PIEZO2: variants seen among roughly 807,000 people sequenced by gnomAD.
The protein encoded by PIEZO2 is piezo type mechanosensitive ion channel component 2, also known as piezo-type mechanosensitive ion channel component 2.
In PIEZO2, 172 loss-of-function variants were observed where a neutral mutation model predicts 337.3. The observed-to-expected ratio is 0.51, with a 90% CI of 0.45 to 0.58. The LOEUF (loss-of-function observed/expected upper bound fraction) is 0.58. PIEZO2 is among the 20% of genes least tolerant of loss of function. The pLI, the probability that PIEZO2 is intolerant of heterozygous loss-of-function variation, is 0.00. For missense variants in PIEZO2, 3,028 were observed against 3,391.3 expected (o/e 0.89, Z 2.66); for synonymous variants, 1,251 against 1,228.5 (o/e 1.02, Z -0.38).
At chr18:10,745,854 T>G (rs1221890325) in intron 30 of PIEZO2, among the ~76,000 whole-genome samples, 1 of 152,094 alleles carries the variant, frequency 6.6e-6, no homozygotes, top group Non-Finnish European at 1.5e-5. Context: ...ACTGGCTGAG[T>G]TTCATGTGCC....
rs1159875365 is a variant in PIEZO2 at position 10,766,314 on chromosome 18, A to G, written c.2947-3216T>C. On this transcript the variant is annotated intron_variant, in intron 21 of 55. Coordinates refer to ENST00000674853, the MANE Select transcript of PIEZO2 (RefSeq NM_001378183.1). This position sits in a 1 kb window ranked among gnomAD's most constrained non-coding sequence, Gnocchi z 6.1. ...GGAAGCAGAAAGGAGGGGAAGGGGA[A>G]GGAGAAGTAGGAGGAGAAGGAGGAG... 6.6e-6 allele frequency among the ~76,000 whole-genome samples: 1 copy of G among 151,564 alleles called. No homozygotes were observed. The highest frequency in any genetic ancestry group is 1.5e-5 in the Non-Finnish European group (1 of 67,840).
At chr18:10,798,502 A>G (rs139493371) in intron 11 of PIEZO2, among the ~76,000 whole-genome samples, 9 of 152,322 alleles carry the variant, frequency 5.9e-5, no homozygotes, top group African/African-American at 1.9e-4. Context: ...AGTCCCTGGG[A>G]TCATAGACAG....
Position 11,149,154 on chromosome 18 carries a change from C to T in PIEZO2, c.-566G>A, listed in dbSNP as rs1037734329. The stretch of plus-strand genomic sequence containing the variant: ...GGCCCCGGCTCTCGGAGCTGCCCGG[C>T]GGGCTCCGGGTCTCGCCCTCCAGCC... On this transcript the variant is annotated 5_prime_UTR_variant, in exon 1 of 56. Transcript: ENST00000674853. The surrounding 1 kb of genome is among the most constrained non-coding windows in gnomAD (Gnocchi z 8.7). Among the ~76,000 whole-genome samples the T allele has an allele frequency of 5.3e-5, 8 of 152,140 alleles. No homozygotes were observed. The highest frequency in any genetic ancestry group is 1.9e-4 in the African/African-American group (8 of 41,456).
intron 3 of PIEZO2, among the ~76,000 whole-genome samples, chr18:10,946,170 T>A (rs2033009764): frequency 6.6e-6 from 1 of 152,108 alleles, no homozygotes; most frequent in Non-Finnish European, 1.5e-5. Flanking sequence ...TGGCATATCA[T>A]AATTTAAATG....
At chr18:10,791,974 T>G (rs778097942) in intron 13 of PIEZO2, among the ~76,000 whole-genome samples, 29 of 152,122 alleles carry the variant, frequency 1.9e-4, no homozygotes, top group Admixed American at 1.4e-3. Context: ...GAGAGGGAGT[T>G]TTGCTCTGGT....
chr18:11,031,981 T>TCA lies in PIEZO2; in HGVS notation c.160+34145_160+34146insTG, dbSNP rs1236385254. Among the ~76,000 whole-genome samples, 21 of 152,216 alleles carry TCA rather than the reference T, an allele frequency of 1.4e-4. No individual in the cohort carries two copies. Among genetic ancestry groups the TCA allele is most frequent in the Admixed American group, 5.2e-4 (8 of 15,296 alleles). On this transcript the variant is annotated intron_variant, in intron 2 of 55. Transcript: ENST00000674853. The surrounding 1 kb of genome is among the most constrained non-coding windows in gnomAD (Gnocchi z 4.7). ...CTTTCTCTGTTTCTCTCTGTCTCTC[T>TCA]CTCACACACATACGCATACACACAG...
At position 11,032,285 on chromosome 18, in the gene PIEZO2, G is replaced by A. The variant is rs2036771126; in HGVS notation, c.160+33842C>T. 6.6e-6 allele frequency among the ~76,000 whole-genome samples: 1 copy of A among 152,188 alleles called. No individual in the cohort carries two copies. Among genetic ancestry groups the A allele is most frequent in the African/African-American group, 2.4e-5 (1 of 41,448 alleles). On this transcript the variant is annotated intron_variant, in intron 2 of 55. Transcript: ENST00000674853. The surrounding 1 kb of genome is among the most constrained non-coding windows in gnomAD (Gnocchi z 4.9). The stretch of plus-strand genomic sequence containing the variant: ...CATTTGGAACAAATGCAACTTAGTG[G>A]TATCTTAACTGGGTCAGAGATTTCT...
chr18:11,018,382 C>T (rs559212167), intron 2 of PIEZO2, among the ~76,000 whole-genome samples: 40 of 114,200 alleles, frequency 3.5e-4, no homozygotes, highest in Middle Eastern at 4.8e-3. Context: ...CCCAACATGT[C>T]GTGTGTGTGT....
chr18:11,086,280 G>A (rs575686799), intron 1 of PIEZO2, among the ~76,000 whole-genome samples: 1 of 152,244 alleles, frequency 6.6e-6, no homozygotes, highest in South Asian at 2.1e-4. Flanking sequence ...CAGCACTTTG[G>A]GAGGCTGAGG....
Position 10,671,364 on chromosome 18 carries a change from A to G in PIEZO2, c.*163T>C. 1 of 686,792 alleles carries G rather than the reference A, an allele frequency of 1.5e-6. No individual in the cohort carries two copies. Among genetic ancestry groups the G allele is most frequent in the Non-Finnish European group, 2.3e-6 (1 of 437,276 alleles). The allele number at this position is 686,792 out of a possible 1,614,324, so 42.5% of individuals were successfully genotyped here. On this transcript the variant is annotated 3_prime_UTR_variant, in exon 56 of 56. Coordinates refer to ENST00000674853, the MANE Select transcript of PIEZO2 (RefSeq NM_001378183.1). ...CATTTTCAACAGTGCCTTAACTTGC[A>G]AGGTAGCTTTTACTGCAGAAGGATA... is the stretch of plus-strand genomic sequence containing the variant.
rs1289907374 is a variant in PIEZO2 at position 10,997,256 on chromosome 18, AAAG to A, written c.161-17599_161-17597del. ...GATTGACTGCCTGCAAAAAAAAAAA[AAAG>A]AAAGAAAGAAAGAGACAATGAAAAC... On this transcript the variant is annotated intron_variant, in intron 2 of 55. Coordinates refer to ENST00000674853, the MANE Select transcript of PIEZO2 (RefSeq NM_001378183.1). Among the ~76,000 whole-genome samples the A allele has an allele frequency of 8.5e-3, 1,291 of 151,918 alleles. 16 individuals are homozygous for A. The highest frequency in any genetic ancestry group is 0.029 in the African/African-American group (1,194 of 41,432).
chr18:10,943,691 G>T lies in PIEZO2; in HGVS notation c.287-32463C>A, dbSNP rs1004386206. ...TGATGAAATGAGTTGAGACTTTGGG[G>T]GACTGTTGGGAAGGCATGATTGGTT... On this transcript the variant is annotated intron_variant, in intron 3 of 55. Transcript: ENST00000674853. The surrounding 1 kb of genome is among the most constrained non-coding windows in gnomAD (Gnocchi z 4.5). Among the ~76,000 whole-genome samples, 1 of 152,140 alleles carries T rather than the reference G, an allele frequency of 6.6e-6. No homozygotes were observed. Among genetic ancestry groups the T allele is most frequent in the East Asian group, 1.9e-4 (1 of 5,198 alleles).
chr18:10,835,920 T>C (rs2040997141), intron 7 of PIEZO2, among the ~76,000 whole-genome samples: 1 of 152,240 alleles, frequency 6.6e-6, no homozygotes, highest in Admixed American at 6.5e-5. Flanking sequence ...ATTGCAAAGA[T>C]CGGATGAAAG....
Position 11,149,085 on chromosome 18 carries a change from G to A in PIEZO2, c.-497C>T, listed in dbSNP as rs1568418370. Among the ~76,000 whole-genome samples, 1 of 152,156 alleles carries A rather than the reference G, an allele frequency of 6.6e-6. No individual in the cohort carries two copies. Among genetic ancestry groups the A allele is most frequent in the Admixed American group, 6.5e-5 (1 of 15,300 alleles). On this transcript the variant is annotated 5_prime_UTR_variant, in exon 1 of 56. Transcript: ENST00000674853. The surrounding 1 kb of genome is among the most constrained non-coding windows in gnomAD (Gnocchi z 8.7). ...TGAAGCCACCGCGTCTCCTTTGCCC[G>A]GCCTCGTCTCCGCTGCCCACGCAGG...
At chr18:11,024,557 AAAAAAAG>A (rs1341087998) in intron 2 of PIEZO2, among the ~76,000 whole-genome samples, 3 of 151,556 alleles carry the variant, frequency 2.0e-5, no homozygotes, top group East Asian at 1.9e-4. Context: ...GAAAAAAAAA[AAAAAAAG>A]AAAAAAGAAA....
intron 7 of PIEZO2, among the ~76,000 whole-genome samples, chr18:10,825,862 T>C (rs903917979): frequency 1.3e-5 from 2 of 152,270 alleles, no homozygotes; most frequent in East Asian, 1.9e-4. Context: ...CCACTTTCCA[T>C]ACTCTATATT....
At chr18:10,740,633 A>T (rs2037179859) in intron 33 of PIEZO2, 1 of 275,946 alleles carries the variant, frequency 3.6e-6, no homozygotes. Flanking sequence ...TCCTTAAATC[A>T]GAGTCCAAGG....
At chr18:11,023,870 C>T (rs1161214320) in intron 2 of PIEZO2, among the ~76,000 whole-genome samples, 9 of 152,220 alleles carry the variant, frequency 5.9e-5, no homozygotes, top group African/African-American at 1.9e-4. Context: ...CCAGTACAGC[C>T]TCCGCAGCCG....
At chr18:11,121,104 T>C (rs573574394) in intron 1 of PIEZO2, among the ~76,000 whole-genome samples, 35 of 151,868 alleles carry the variant, frequency 2.3e-4, no homozygotes, top group Admixed American at 7.2e-4. Context: ...AATACAAAAA[T>C]TAGCTGGGTG....
Sources: gnomAD v4.1 joint callset for allele counts (sites outside exome capture counted in the v4.1 genomes callset) on GRCh38, gnomAD v4.1.1 for gene constraint, Gnocchi (gnomAD v3.1) non-coding constraint, MANE v1.5 for transcripts, NCBI Gene and HGNC (gene_info 2026-07-23, HGNC 2026-07-21) for gene names.